The following NEBL variants were observed in gnomAD, a reference collection of about 807,000 sequenced individuals.
NEBL encodes the protein LIM and SH3 protein 2.
NEBL carries 122 observed loss-of-function variants against 140.2 expected under a neutral mutation model. The ratio of observed to expected loss-of-function variants is 0.87; its 90% CI spans 0.75 to 1.01. The LOEUF (loss-of-function observed/expected upper bound fraction) is 1.01. Among genes scored for constraint, NEBL ranks in the 50% least tolerant of loss-of-function variants. NEBL has a pLI of 0.00. For missense variants in NEBL, 1,365 were observed against 1,231.3 expected (o/e 1.11, Z -1.62); for synonymous variants, 436 against 398.9 (o/e 1.09, Z -1.11).
chr10:20,946,926 A>C (rs1835194334), intron 4 of NEBL, among the ~76,000 whole-genome samples: 1 of 152,140 alleles, frequency 6.6e-6, no homozygotes, highest in African/African-American at 2.4e-5. Context: ...TGTGGAACCC[A>C]TACAAGTGCC....
At chr10:21,008,261 C>T (rs11012481) in intron 3 of NEBL, among the ~76,000 whole-genome samples, 4,225 of 152,058 alleles carry the variant, frequency 0.028, 200 homozygotes, top group African/African-American at 0.097. Context: ...CCCTCTTATC[C>T]CTAGTTTCAC....
At chr10:20,964,220 G>A (rs898732556) in intron 3 of NEBL, among the ~76,000 whole-genome samples, 2 of 151,560 alleles carry the variant, frequency 1.3e-5, no homozygotes, top group African/African-American at 2.4e-5. Context: ...GATAGATCTC[G>A]GGAGGGCCAC....
chr10:20,968,589 G>A (rs537708446), intron 3 of NEBL, among the ~76,000 whole-genome samples: 4 of 152,312 alleles, frequency 2.6e-5, no homozygotes, highest in East Asian at 1.9e-4. Flanking sequence ...CATGTATCAC[G>A]ATAGACAAGT....
rs987253410 is a variant in NEBL, at chr10:21,268,886, G to A, written n.183-17058C>T. Reference sequence around the variant, plus strand: ...AAGAAGATAGGGTGGATTACAATTGGCATACAACTCATAAGGTGATCGTAT... The same window carrying A: ...AAGAAGATAGGGTGGATTACAATTGACATACAACTCATAAGGTGATCGTAT... On this transcript the variant is annotated intron_variant and non_coding_transcript_variant, in intron 1 of 8. Transcript: ENST00000675702. Among the ~76,000 whole-genome samples, 28 of 152,090 alleles carry A rather than the reference G, an allele frequency of 1.8e-4. 2 individuals are homozygous for A.
intron 4 of NEBL, among the ~76,000 whole-genome samples, chr10:20,940,613 C>CA (rs1214520049): frequency 7.1e-6 from 1 of 141,212 alleles, no homozygotes; most frequent in Non-Finnish European, 1.5e-5. Context: ...AATAGAGACA[C>CA]AAAAAACCCT....
intron 2 of NEBL, among the ~76,000 whole-genome samples, chr10:21,038,519 T>C (rs1014127070): frequency 6.6e-6 from 1 of 152,222 alleles, no homozygotes. Flanking sequence ...GCTTCATCCA[T>C]GTCCCTGCAA....
chr10:20,994,913 G>A (rs1484501081), intron 3 of NEBL, among the ~76,000 whole-genome samples: 2 of 152,152 alleles, frequency 1.3e-5, no homozygotes, highest in African/African-American at 2.4e-5. Flanking sequence ...TGTCTCAGGA[G>A]TGGCAGAGAG....
intron 3 of NEBL, among the ~76,000 whole-genome samples, chr10:21,235,600 C>G (rs1325792276): frequency 6.6e-6 from 1 of 152,194 alleles, no homozygotes; most frequent in Non-Finnish European, 1.5e-5. Flanking sequence ...CAGGCGTAAG[C>G]CACTGCGCCA....
chr10:21,290,108 C>G (rs1341851909), intron 1 of NEBL, among the ~76,000 whole-genome samples: 1 of 152,128 alleles, frequency 6.6e-6, no homozygotes, highest in Non-Finnish European at 1.5e-5. Context: ...GAAGCAAGGC[C>G]AAGAGGGCCA....
At chr10:21,033,741 GA>G (rs1167108232) in intron 2 of NEBL, among the ~76,000 whole-genome samples, 105 of 41,962 alleles carry the variant, frequency 2.5e-3, no homozygotes, top group East Asian at 0.015. Context: ...CTTTGTCTCC[GA>G]AAAAAAAAAA....
At chr10:20,878,123 A>T (rs1206986204) in intron 5 of NEBL, among the ~76,000 whole-genome samples, 1 of 152,176 alleles carries the variant, frequency 6.6e-6, no homozygotes, top group African/African-American at 2.4e-5. Flanking sequence ...TGCCTCCAGA[A>T]AACTCTTGCC....
chr10:20,964,594 T>C (rs1028897853), intron 3 of NEBL, among the ~76,000 whole-genome samples: 17 of 152,158 alleles, frequency 1.1e-4, no homozygotes, highest in Admixed American at 8.5e-4. Flanking sequence ...TCCGCCCCCA[T>C]GATCCAAACA....
At chr10:20,794,688 A>T (rs1220957011) in intron 26 of NEBL, among the ~76,000 whole-genome samples, 1 of 152,052 alleles carries the variant, frequency 6.6e-6, no homozygotes, top group East Asian at 1.9e-4. Context: ...GTAACATAAG[A>T]CTCTACTTCC....
intron 1 of NEBL, among the ~76,000 whole-genome samples, chr10:21,292,597 T>C (rs1843160026): frequency 6.6e-6 from 1 of 152,212 alleles, no homozygotes. Context: ...AAATACTGTC[T>C]TTATAATTAA....
chr10:20,828,709 G>A, intron 16 of NEBL, 75 bp from the exon 17 acceptor site: 1 of 951,756 alleles, frequency 1.1e-6, no homozygotes, highest in South Asian at 1.4e-5. Context: ...AGGGAGGCAG[G>A]AAAGGAGGAA....
intron 2 of NEBL, among the ~76,000 whole-genome samples, chr10:21,122,135 C>T (rs1220990096): frequency 6.6e-6 from 1 of 152,034 alleles, no homozygotes; most frequent in African/African-American, 2.4e-5. Context: ...AAGCAATTAT[C>T]CTGCCTCAGC....
intron 2 of NEBL, chr10:21,113,171 A>C (rs1166945309): frequency 6.7e-6 from 2 of 299,004 alleles, no homozygotes; most frequent in African/African-American, 4.6e-5. Context: ...AGGAAACTGA[A>C]GAAAAAGTGC....
chr10:20,987,167 C>T (rs1453016183), intron 3 of NEBL, among the ~76,000 whole-genome samples: 1 of 151,938 alleles, frequency 6.6e-6, no homozygotes, highest in Non-Finnish European at 1.5e-5. Flanking sequence ...TATGGGTAAA[C>T]CTACAAACAA....
chr10:21,275,781 C>G lies in NEBL; in HGVS notation n.182+17049G>C, dbSNP rs998741068. The stretch of plus-strand genomic sequence containing the variant: ...TCGGCCTCCCGAGTAGCTGGGATTA[C>G]AGGCAAGTGCCACCACACCCAGCTA... On this transcript the variant is annotated intron_variant and non_coding_transcript_variant, in intron 1 of 8. Coordinates refer to the NEBL transcript ENST00000675702. 2.0e-5 allele frequency among the ~76,000 whole-genome samples: 3 copies of G among 149,900 alleles called. No homozygotes were observed. In the South Asian group the frequency reaches 6.3e-4, roughly 32 times the overall value.
Sources: allele counts gnomAD v4.1 joint callset (sites outside exome capture counted in the v4.1 genomes callset), GRCh38; gene constraint gnomAD v4.1.1; transcripts MANE v1.5; gene names NCBI Gene and HGNC (gene_info 2026-07-23, HGNC 2026-07-21).